The following ABCA10 variants were observed in gnomAD, a reference collection of about 807,000 sequenced individuals.
ABCA10 encodes the protein ATP binding cassette subfamily A member 10.
Under a neutral mutation model 187.5 loss-of-function variants are expected in ABCA10, and 169 were observed. That is an observed-to-expected ratio of 0.90 (90% CI 0.80 to 1.02). The LOEUF is 1.02. Ranked by LOEUF, ABCA10 falls within the 50% of genes least tolerant of loss-of-function variation. The pLI is 0.00. For missense variants in ABCA10, 1,727 were observed against 1,812.4 expected (o/e 0.95, Z 0.86); for synonymous variants, 574 against 601.8 (o/e 0.95, Z 0.68).
chr17:69,190,254 T>C, intron 18 of ABCA10, 104 bp downstream of exon 18: 1 of 1,272,394 alleles, frequency 7.9e-7, no homozygotes, highest in Admixed American at 3.3e-5. Flanking sequence ...TAATGCATAT[T>C]ATAGGTAGAA....
Position 69,174,291 on chromosome 17 carries a change from C to G in ABCA10, c.3152G>C (p.Gly1051Ala). The part of the protein sequence containing the change: ...WRKNNGFWSF[G>A]FFIILICVST... ...TGTATATATACTTACAATAAAAAAG[C>G]CAAAAGACCAAAAGCCATTATTTTT... The change falls in exon 25 of 39, where the codon GGC (glycine) becomes GCC (alanine). Residue 1051 changes from glycine to alanine, a missense_variant. Coordinates refer to ENST00000690296, the MANE Select transcript of ABCA10 (RefSeq NM_001377321.1). 1 of 1,595,024 alleles carries G rather than the reference C, an allele frequency of 6.3e-7. No homozygotes were observed. Among genetic ancestry groups the G allele is most frequent in the Middle Eastern group, 1.7e-4 (1 of 5,940 alleles).
At chr17:69,182,610 T>C (rs1598100985) in intron 21 of ABCA10, 65 bp downstream of exon 21, 1 of 1,496,866 alleles carries the variant, frequency 6.7e-7, no homozygotes, top group Non-Finnish European at 8.9e-7. Flanking sequence ...TAGTTCTAAG[T>C]ATTAGGACGT....
At chr17:69,222,830 T>A in intron 3 of ABCA10, 133 bp from the exon 4 acceptor site, 1 of 751,876 alleles carries the variant, frequency 1.3e-6, no homozygotes, top group Non-Finnish European at 1.9e-6. Flanking sequence ...TGCCTCTTAG[T>A]AAAAGGCTGA....
At chr17:69,184,365 A>G (rs1486224567) in intron 20 of ABCA10, among the ~76,000 whole-genome samples, 6 of 152,014 alleles carry the variant, frequency 3.9e-5, no homozygotes, top group Non-Finnish European at 8.8e-5. Context: ...CATCCTCCCT[A>G]TACTACCATA....
intron 35 of ABCA10, 31 bp from the exon 36 acceptor site, chr17:69,152,214 T>C (rs765723491): frequency 1.3e-6 from 2 of 1,590,102 alleles, no homozygotes; most frequent in Admixed American, 3.7e-5. Context: ...AAAAAATACT[T>C]GTCTCTTAAT....
chr17:69,199,883 A>G (rs1300296014), intron 10 of ABCA10, among the ~76,000 whole-genome samples: 1 of 152,246 alleles, frequency 6.6e-6, no homozygotes, highest in Non-Finnish European at 1.5e-5. Flanking sequence ...AAGAATTAAT[A>G]CCAAAGAAAG....
chr17:69,221,300 ATTGAG>A (rs1432535917), intron 5 of ABCA10, among the ~76,000 whole-genome samples: 8 of 152,304 alleles, frequency 5.3e-5, no homozygotes, highest in Middle Eastern at 6.8e-3. Flanking sequence ...GATAGATAAT[ATTGAG>A]TTGAGTTGAG....
At chr17:69,203,405 G>C (rs890199294) in intron 9 of ABCA10, among the ~76,000 whole-genome samples, 3 of 152,114 alleles carry the variant, frequency 2.0e-5, no homozygotes, top group African/African-American at 7.2e-5. Context: ...TACTACTGTA[G>C]TTATTGCCTG....
chr17:69,206,692 TTTTTCAAC>T (rs2074594232), intron 9 of ABCA10, among the ~76,000 whole-genome samples: 1 of 152,230 alleles, frequency 6.6e-6, no homozygotes, highest in Non-Finnish European at 1.5e-5. Flanking sequence ...CAACTTATGA[TTTTTCAAC>T]TTTTCAATAG....
chr17:69,211,352 TATATATATAC>T lies in ABCA10; in HGVS notation c.1006+3342_1006+3351del, dbSNP rs1242469311. Among the ~76,000 whole-genome samples the T allele has an allele frequency of 5.9e-3, 141 of 23,810 alleles. 3 individuals are homozygous for T. The highest frequency in any genetic ancestry group is 0.018 in the African/African-American group (127 of 6,980). 15.6% of individuals were successfully genotyped at this position (23,810 alleles called of 152,430 possible). A position where few individuals can be genotyped will look rare whatever the true frequency, so the allele number is the denominator to read the frequency against. ...ATATATATATATATATATATATATA[TATATATATAC>T]ACACACACCACATTTTCTTTATCCA... is the stretch of plus-strand genomic sequence containing the variant. On this transcript the variant is annotated intron_variant, in intron 9 of 38. Coordinates refer to ENST00000690296, the MANE Select transcript of ABCA10 (RefSeq NM_001377321.1).
intron 9 of ABCA10, among the ~76,000 whole-genome samples, chr17:69,207,358 TACC>T (rs2074599474): frequency 6.6e-6 from 1 of 152,144 alleles, no homozygotes; most frequent in Non-Finnish European, 1.5e-5. Flanking sequence ...AAAATAGAAC[TACC>T]ACATGATTGA....
intron 27 of ABCA10, among the ~76,000 whole-genome samples, chr17:69,157,628 T>A (rs950785752): frequency 1.3e-5 from 2 of 152,120 alleles, no homozygotes; most frequent in Admixed American, 6.5e-5. Flanking sequence ...CCTGTGAACT[T>A]GACAGAAGCA....
At chr17:69,194,349 T>C in intron 12 of ABCA10, 36 bp downstream of exon 12, 1 of 1,560,150 alleles carries the variant, frequency 6.4e-7, no homozygotes. Flanking sequence ...CAACTTGCTT[T>C]TTCAGCCAAC....
At chr17:69,193,018 C>A (rs2074472682) in intron 15 of ABCA10, 92 bp downstream of exon 15, 3 of 1,484,354 alleles carry the variant, frequency 2.0e-6, no homozygotes, top group Admixed American at 2.3e-5. Flanking sequence ...AAACTGCAAA[C>A]AAGATTTTCT....
chr17:69,234,891 A>T (rs997665461), intron 1 of ABCA10: 4 of 152,200 alleles, frequency 2.6e-5, no homozygotes, highest in Admixed American at 6.5e-5. Context: ...TTTACTTCTT[A>T]AATATTCCAA....
At chr17:69,202,097 A>T (rs28369611) in intron 9 of ABCA10, among the ~76,000 whole-genome samples, 14,086 of 152,236 alleles carry the variant, frequency 0.093, 2,254 homozygotes, top group African/African-American at 0.32. Flanking sequence ...TGTTAAAAAT[A>T]AAGCATTACA....
At chr17:69,188,961 TC>T (rs2074441069) in intron 18 of ABCA10, among the ~76,000 whole-genome samples, 2 of 152,184 alleles carry the variant, frequency 1.3e-5, no homozygotes, top group African/African-American at 4.8e-5. Flanking sequence ...TGATTCCATG[TC>T]TCTGCTATTG....
Position 69,155,498 on chromosome 17 carries a change from T to C in ABCA10, c.3576+307A>G, listed in dbSNP as rs868779145. On this transcript the variant is annotated intron_variant, in intron 29 of 38. Transcript: ENST00000690296. Reference sequence around the variant, plus strand: ...TTAATATTACAAGCATACTATAATATAAAATGTAATTGCAACTCTTGAAAA... The same window carrying C: ...TTAATATTACAAGCATACTATAATACAAAATGTAATTGCAACTCTTGAAAA... Among the ~76,000 whole-genome samples the C allele has an allele frequency of 6.6e-5, 10 of 152,260 alleles. No homozygotes were observed. The South Asian group carries it at 1.2e-3, about 19-fold the overall frequency.
intron 20 of ABCA10, 73 bp downstream of exon 20, chr17:69,185,404 G>T (rs184574413): frequency 9.3e-6 from 13 of 1,403,684 alleles, no homozygotes; most frequent in East Asian, 4.7e-5. Flanking sequence ...GTTTTCAATT[G>T]TCTCTCAGGT....
Sources: allele counts gnomAD v4.1 joint callset (sites outside exome capture counted in the v4.1 genomes callset), GRCh38; gene constraint gnomAD v4.1.1; transcripts MANE v1.5; gene names NCBI Gene and HGNC (gene_info 2026-07-23, HGNC 2026-07-21).